Variants in RBFOX1 observed in about 807,000 individuals in gnomAD.
RBFOX1 encodes RNA binding protein fox-1 homolog 1.
In RBFOX1, 8 loss-of-function variants were observed where a neutral mutation model predicts 57.7. The ratio of observed to expected loss-of-function variants is 0.14; its 90% confidence interval spans 0.08 to 0.25. The LOEUF (loss-of-function observed/expected upper bound fraction) is 0.25. RBFOX1 is among the 10% of genes least tolerant of loss of function. The pLI, the probability that RBFOX1 is intolerant of heterozygous loss-of-function variation, is 1.00. For synonymous variants in RBFOX1, 326 were observed against 222.4 expected (o/e 1.47, Z -4.15); for missense variants, 611 against 548.5 (o/e 1.11, Z -1.14).
At chr16:6,183,517 A>AATAAAT (rs2097082948) in intron 1 of RBFOX1, among the ~76,000 whole-genome samples, 1 of 150,792 alleles carries the variant, frequency 6.6e-6, no homozygotes, top group Non-Finnish European at 1.5e-5. Flanking sequence ...TAAATAAATA[A>AATAAAT]ATAAATAAAT....
chr16:6,184,726 A>ATTT (rs67673371), intron 1 of RBFOX1, among the ~76,000 whole-genome samples: 3 of 145,780 alleles, frequency 2.1e-5, no homozygotes, highest in Non-Finnish European at 4.5e-5. Context: ...TGCCTGGCTC[A>ATTT]TTTTTTTTTT....
In RBFOX1 at chr16:5,729,400, T is replaced by C. The variant is rs548850512; in HGVS notation, c.318+130439T>C. Among the ~76,000 whole-genome samples, 314 of 82,546 alleles carry C rather than the reference T, an allele frequency of 3.8e-3. 1 individual carries two copies. Among genetic ancestry groups the C allele is most frequent in the Non-Finnish European group, 4.3e-3 (205 of 47,194 alleles). 54.2% of individuals were successfully genotyped at this position (82,546 alleles called of 152,430 possible). ...CTAGCTTTTTTTTTTTCTTTTCTTT[T>C]TTTTTTTTTTTTTTTGCCAGCCAAG... On this transcript the variant is annotated intron_variant, in intron 3 of 19. Transcript: ENST00000641259.
chr16:6,159,263 C>T (rs1567584247), intron 1 of RBFOX1, among the ~76,000 whole-genome samples: 1 of 151,806 alleles, frequency 6.6e-6, no homozygotes, highest in South Asian at 2.1e-4. Flanking sequence ...TTTTAGTAGA[C>T]ACGGGGTTTC....
chr16:7,147,338 G>C (rs1043693155), intron 4 of RBFOX1, among the ~76,000 whole-genome samples: 5 of 148,462 alleles, frequency 3.4e-5, no homozygotes, highest in African/African-American at 1.2e-4. Context: ...TTTTATTTTA[G>C]GTTTGAGTGG....
At chr16:6,764,568 G>T (rs2077064856) in intron 3 of RBFOX1, among the ~76,000 whole-genome samples, 1 of 152,148 alleles carries the variant, frequency 6.6e-6, no homozygotes, top group Admixed American at 6.5e-5. Flanking sequence ...CTGTCCCCAT[G>T]GGACTTACAT....
intron 3 of RBFOX1, among the ~76,000 whole-genome samples, chr16:5,832,278 C>A (rs2056300317): frequency 6.6e-6 from 1 of 152,212 alleles, no homozygotes; most frequent in Non-Finnish European, 1.5e-5. Context: ...GGAAGTAGTT[C>A]TTTACCCCAG....
At chr16:6,165,739 T>C (rs1407060203) in intron 1 of RBFOX1, among the ~76,000 whole-genome samples, 1 of 152,220 alleles carries the variant, frequency 6.6e-6, no homozygotes, top group Non-Finnish European at 1.5e-5. Flanking sequence ...CGTAATGCTC[T>C]CCTCATTTTT....
At chr16:5,760,924 C>A (rs193130337) in intron 3 of RBFOX1, among the ~76,000 whole-genome samples, 1 of 152,196 alleles carries the variant, frequency 6.6e-6, no homozygotes, top group Admixed American at 6.5e-5. Context: ...GGTGGTTGCA[C>A]AACATTGTGA....
intron 1 of RBFOX1, among the ~76,000 whole-genome samples, chr16:6,060,224 G>T (rs1299126803): frequency 7.1e-6 from 1 of 141,532 alleles, no homozygotes; most frequent in Admixed American, 7.5e-5. Flanking sequence ...TTGCTACAAC[G>T]TACTGAGTTT....
chr16:7,241,766 C>T (rs1434625493), intron 4 of RBFOX1, among the ~76,000 whole-genome samples: 5 of 151,802 alleles, frequency 3.3e-5, no homozygotes, highest in Non-Finnish European at 7.4e-5. Flanking sequence ...TTCTCATCCC[C>T]CCTTCTTTTT....
chr16:6,311,163 G>GCT (rs2152762726), intron 1 of RBFOX1, among the ~76,000 whole-genome samples: 1 of 151,906 alleles, frequency 6.6e-6, no homozygotes, highest in South Asian at 2.1e-4. Flanking sequence ...GGACGTTGTG[G>GCT]TGGGCACCTG....
At chr16:6,169,132 G>A (rs1466101852) in intron 1 of RBFOX1, among the ~76,000 whole-genome samples, 1 of 152,148 alleles carries the variant, frequency 6.6e-6, no homozygotes, top group African/African-American at 2.4e-5. Context: ...GATTAGCAAG[G>A]GGATTGCATT....
At chr16:6,940,615 T>C (rs1284217452) in intron 3 of RBFOX1, among the ~76,000 whole-genome samples, 1 of 152,178 alleles carries the variant, frequency 6.6e-6, no homozygotes, top group Non-Finnish European at 1.5e-5. Context: ...TTTTCTTTTT[T>C]GAGGCGGAGT....
At chr16:6,104,528 C>T (rs1284680862) in intron 1 of RBFOX1, among the ~76,000 whole-genome samples, 1 of 152,174 alleles carries the variant, frequency 6.6e-6, no homozygotes, top group African/African-American at 2.4e-5. Context: ...ACTGTCCTCT[C>T]CTTAAAGAGA....
At chr16:7,326,246 G>A (rs2096610153) in intron 4 of RBFOX1, among the ~76,000 whole-genome samples, 1 of 152,212 alleles carries the variant, frequency 6.6e-6, no homozygotes, top group Non-Finnish European at 1.5e-5. Flanking sequence ...GTGTGATAAT[G>A]CCAGCTAGGC....
chr16:6,335,719 A>G (rs1159584167), intron 2 of RBFOX1, among the ~76,000 whole-genome samples: 2 of 149,032 alleles, frequency 1.3e-5, no homozygotes, highest in Non-Finnish European at 3.0e-5. Context: ...CGGAGATTGC[A>G]GTAAGCTGAG....
chr16:5,971,550 C>T (rs2059962100), intron 4 of RBFOX1, among the ~76,000 whole-genome samples: 1 of 152,164 alleles, frequency 6.6e-6, no homozygotes, highest in Non-Finnish European at 1.5e-5. Flanking sequence ...ATTGGGGCAG[C>T]ATCATAAGTT....
chr16:7,026,541 A>G (rs1352300176), intron 3 of RBFOX1, among the ~76,000 whole-genome samples: 1 of 151,476 alleles, frequency 6.6e-6, no homozygotes, highest in African/African-American at 2.4e-5. Flanking sequence ...ATACACAATC[A>G]CAGCTGCTTC....
chr16:7,274,625 A>G (rs1182170786), intron 4 of RBFOX1, among the ~76,000 whole-genome samples: 1 of 148,022 alleles, frequency 6.8e-6, no homozygotes, highest in Non-Finnish European at 1.5e-5. Context: ...GGATGAGGTC[A>G]TTAGTTTTTA....
Sources: gnomAD v4.1 joint callset for allele counts (sites outside exome capture counted in the v4.1 genomes callset) on GRCh38, gnomAD v4.1.1 for gene constraint, MANE v1.5 for transcripts, NCBI Gene and HGNC (gene_info 2026-07-23, HGNC 2026-07-21) for gene names.